The following FTCD variants were observed in gnomAD, a reference collection of about 807,000 sequenced individuals.
The protein encoded by FTCD is formimidoyltransferase cyclodeaminase, also known as formimidoyltransferase-cyclodeaminase.
Under a neutral mutation model 62.9 loss-of-function variants are expected in FTCD, and 76 were observed. That is an observed-to-expected ratio of 1.21 (90% CI 1.00 to 1.46). FTCD has a LOEUF of 1.46. FTCD is among the 40% of genes most tolerant of loss of function. FTCD has a pLI of 0.00. For missense variants in FTCD, 845 were observed against 751.3 expected, an observed-to-expected ratio of 1.12 and a Z score of -1.46; for synonymous variants, 397 against 336.9, an observed-to-expected ratio of 1.18 and a Z score of -1.95.
intron 7 of FTCD, among the ~76,000 whole-genome samples, chr21:46,147,541 C>T (rs548639349): frequency 3.3e-5 from 5 of 152,310 alleles, no homozygotes; most frequent in African/African-American, 1.2e-4. Flanking sequence ...AATCAAAAAT[C>T]ACACAACACA....
At position 46,150,243 on chromosome 21, in the gene FTCD, C is replaced by A. The variant is rs1339133352; in HGVS notation, c.782G>T (p.Ser261Ile). 1.2e-6 allele frequency: 2 copies of A among 1,609,374 alleles called. No individual in the cohort carries two copies. Among genetic ancestry groups the A allele is most frequent in the Admixed American group, 3.4e-5 (2 of 59,574 alleles). The change falls in exon 7 of 14, where the codon AGC (serine) becomes ATC (isoleucine). Residue 261 changes from serine (S) to isoleucine (I), a missense_variant. Coordinates refer to ENST00000397746, the MANE Select transcript of FTCD (RefSeq NM_206965.2). ...EETCREAQEL[S>I]LPVVGSQLVG... is the part of the protein sequence containing the mutation. ...CAGCTGTGAGCCCACCACTGGGAGG[C>A]TCAGCTCCTGCCAAGGCACAGGCAG...
intron 12 of FTCD, among the ~76,000 whole-genome samples, chr21:46,137,582 TC>T (rs1383567695): frequency 6.6e-6 from 1 of 150,906 alleles, no homozygotes; most frequent in Non-Finnish European, 1.5e-5. Flanking sequence ...CTGGAGGCTC[TC>T]CGCCACTCTA....
chr21:46,139,687 G>A (rs898387490), intron 10 of FTCD, among the ~76,000 whole-genome samples: 2 of 152,228 alleles, frequency 1.3e-5, no homozygotes, highest in Admixed American at 1.3e-4. Context: ...TGGATCCTTT[G>A]ACCATTCCGA....
In FTCD at chr21:46,150,253, GC is replaced by G; in HGVS notation, c.775-4del. 6.2e-7 allele frequency: 1 copy of G among 1,609,314 alleles called. No individual in the cohort carries two copies. The highest frequency in any genetic ancestry group is 2.2e-5 in the East Asian group (1 of 44,792). The stretch of plus-strand genomic sequence containing the variant: ...CCCACCACTGGGAGGCTCAGCTCCT[GC>G]CAAGGCACAGGCAGCGTCACCCCCT... On this transcript the variant is annotated splice_polypyrimidine_tract_variant and splice_region_variant and intron_variant, in intron 6 of 13. Coordinates refer to ENST00000397746, the MANE Select transcript of FTCD (RefSeq NM_206965.2).
intron 10 of FTCD, among the ~76,000 whole-genome samples, chr21:46,140,788 GGGAGC>G (rs1386956308): frequency 6.7e-6 from 1 of 149,722 alleles, no homozygotes; most frequent in Non-Finnish European, 1.5e-5. Flanking sequence ...GTGGCTCACA[GGGAGC>G]GTAAACCAAT....
At chr21:46,142,824 C>T (rs1383980058) in intron 10 of FTCD, 4 of 152,296 alleles carry the variant, frequency 2.6e-5, no homozygotes, top group East Asian at 3.9e-4. Context: ...CTGATTGGTC[C>T]GTTTTTAAAG....
rs1427384742 is a variant in FTCD, at chr21:46,155,548, C to A, written c.-25G>T. On this transcript the variant is annotated 5_prime_UTR_variant, in exon 1 of 14. Transcript: ENST00000397746. ...TGGCCAGCACCTTGATCCAGATGCT[C>A]CTCTCTGGGCAGATGGAAGGACAGG... The A allele has an allele frequency of 6.2e-7, 1 of 1,604,964 alleles. No homozygotes were observed. The highest frequency in any genetic ancestry group is 1.1e-5 in the South Asian group (1 of 90,938).
chr21:46,146,207 A>G (rs572833594), intron 8 of FTCD, 59 bp downstream of exon 8: 5 of 1,255,926 alleles, frequency 4.0e-6, no homozygotes, highest in Non-Finnish European at 3.4e-6. Context: ...AGCGCCCCGC[A>G]AGGCCCGAGA....
chr21:46,141,493 G>A (rs990925139), intron 10 of FTCD, among the ~76,000 whole-genome samples: 24 of 152,210 alleles, frequency 1.6e-4, no homozygotes, highest in Middle Eastern at 3.4e-3. Flanking sequence ...TCAAATGCCT[G>A]TCCGGGTCTA....
rs74820054 is a variant in FTCD, at chr21:46,153,104, C to T, written c.239-69G>A. The T allele has an allele frequency of 1.3e-3, 1,891 of 1,485,814 alleles. 16 individuals carry two copies. The African/African-American group carries it at 0.017, about 13-fold the overall frequency. The allele number at this position is 1,485,814 out of a possible 1,614,324, so 92.0% of individuals were successfully genotyped here. A position where few individuals can be genotyped will look rare whatever the true frequency, so the allele number is the denominator to read the frequency against. ...GCGGGTGGGAGCTCCACGGGGTTCTCGGACCCTCTGTCCTCTCCGGCCTGG... is the reference window on the plus strand; with the variant it reads ...GCGGGTGGGAGCTCCACGGGGTTCTTGGACCCTCTGTCCTCTCCGGCCTGG... On this transcript the variant is annotated intron_variant, in intron 2 of 13. Transcript: ENST00000397746.
At chr21:46,150,043 G>A in intron 7 of FTCD, 76 bp downstream of exon 7, 1 of 1,342,952 alleles carries the variant, frequency 7.4e-7, no homozygotes, top group Non-Finnish European at 1.0e-6. Context: ...TGCGCCCCAG[G>A]GCTGTGAGCT....
In FTCD at chr21:46,150,209, C is replaced by A. The variant is rs777944418; in HGVS notation, c.816G>T (p.Leu272=). ...CATCCAGCAGAGCCTTCAGGGGCACCAGGCCCACCAGCTGTGAGCCCACCA... is the reference window on the plus strand; with the variant it reads ...CATCCAGCAGAGCCTTCAGGGGCACAAGGCCCACCAGCTGTGAGCCCACCA... ...LPVVGSQLVG[L]VPLKALLDAA... Residue 272 remains leucine, a synonymous_variant, in exon 7 of 14, where the codon CTG becomes CTT. Coordinates refer to ENST00000397746, the MANE Select transcript of FTCD (RefSeq NM_206965.2). 6.2e-7 allele frequency: 1 copy of A among 1,609,198 alleles called. No individual in the cohort carries two copies. The highest frequency in any genetic ancestry group is 8.5e-7 in the Non-Finnish European group (1 of 1,178,464).
intron 12 of FTCD, among the ~76,000 whole-genome samples, 157 bp downstream of exon 12, chr21:46,138,351 C>A (rs1478844145): frequency 2.6e-5 from 4 of 152,212 alleles, no homozygotes; most frequent in Admixed American, 6.5e-5. Context: ...GACACCCCGG[C>A]CCTGTTGGAG....
intron 10 of FTCD, among the ~76,000 whole-genome samples, chr21:46,139,204 G>C (rs1221453010): frequency 6.6e-6 from 1 of 152,110 alleles, no homozygotes; most frequent in Non-Finnish European, 1.5e-5. Flanking sequence ...AAGAGCCTGA[G>C]GGCCCAGGAG....
Position 46,148,839 on chromosome 21 carries a change from C to T in FTCD, c.906+1280G>A, listed in dbSNP as rs138742287. On this transcript the variant is annotated intron_variant, in intron 7 of 13. Coordinates refer to ENST00000397746, the MANE Select transcript of FTCD (RefSeq NM_206965.2). ...CTGGATCACGGATTGGAGGAGAAAT[C>T]GCTATGATGGGAATCACTGGGACAC... Among the ~76,000 whole-genome samples the T allele has an allele frequency of 1.2e-4, 19 of 152,220 alleles. 1 individual carries two copies. The highest frequency in any genetic ancestry group is 3.9e-4 in the African/African-American group (16 of 41,544).
At position 46,155,458 on chromosome 21, in the gene FTCD, C is replaced by T. The variant is rs2277820; in HGVS notation, c.54+12G>A. 0.31 allele frequency: 502,010 copies of T among 1,607,302 alleles called. 89,941 individuals carry two copies. The highest frequency in any genetic ancestry group is 0.79 in the East Asian group (35,385 of 44,810). On this transcript the variant is annotated intron_variant, in intron 1 of 13. Transcript: ENST00000397746. ...TCAGCCCTAGATGCTTGACCAGCTC[C>T]TCGGGCCTCACCTCCTGGTTCTTCC...
At position 46,137,074 on chromosome 21, in the gene FTCD, C is replaced by A; in HGVS notation, c.1540-1G>T. 1 of 1,613,792 alleles carries A rather than the reference C, an allele frequency of 6.2e-7. No individual in the cohort carries two copies. Among genetic ancestry groups the A allele is most frequent in the Non-Finnish European group, 8.5e-7 (1 of 1,180,006 alleles). On this transcript the variant is annotated splice_acceptor_variant, in intron 13 of 13. Transcript: ENST00000397746. LOFTEE classifies it high-confidence loss of function. Reference sequence around the variant, plus strand: ...GGAGGCTGGAAACACGATGGTGGATCTGATGGACACAGGGAAAGAGGGGTC... The same window carrying A: ...GGAGGCTGGAAACACGATGGTGGATATGATGGACACAGGGAAAGAGGGGTC...
At chr21:46,140,999 G>A (rs1201981772) in intron 10 of FTCD, among the ~76,000 whole-genome samples, 5 of 152,252 alleles carry the variant, frequency 3.3e-5, no homozygotes, top group Admixed American at 1.3e-4. Flanking sequence ...CACTGTCCCC[G>A]CTCATGGTTC....
chr21:46,147,304 C>A (rs2079169308), intron 7 of FTCD, among the ~76,000 whole-genome samples: 2 of 144,196 alleles, frequency 1.4e-5, no homozygotes, highest in African/African-American at 2.6e-5. Flanking sequence ...AAAAAAAAAT[C>A]TCCTGGGAAT....
Sources: gnomAD v4.1 joint callset for allele counts (sites outside exome capture counted in the v4.1 genomes callset) on GRCh38, gnomAD v4.1.1 for gene constraint, MANE v1.5 for transcripts, NCBI Gene and HGNC (gene_info 2026-07-23, HGNC 2026-07-21) for gene names.